The following DTNA variants were observed in gnomAD, a reference collection of about 807,000 sequenced individuals.
The protein encoded by DTNA is dystrophin-related protein 3.
In DTNA, 43 loss-of-function variants were observed where a neutral mutation model predicts 100.7. The observed-to-expected ratio is 0.43, with a 90% confidence interval of 0.33 to 0.55. The LOEUF (loss-of-function observed/expected upper bound fraction) is 0.55, where lower values mean the gene tolerates loss of function less well. Ranked by LOEUF, DTNA falls within the 20% of genes least tolerant of loss-of-function variation. DTNA has a pLI of 0.04. For synonymous variants in DTNA, 349 were observed against 347.9 expected (o/e 1.00, Z -0.04); for missense variants, 798 against 953.9 (o/e 0.84, Z 2.15).
chr18:34,721,409 C>A (rs1186807358), intron 1 of DTNA, among the ~76,000 whole-genome samples: 1 of 152,120 alleles, frequency 6.6e-6, no homozygotes, highest in Non-Finnish European at 1.5e-5. Flanking sequence ...TCCTCCAGAG[C>A]AATCATTCTG....
Position 34,592,303 on chromosome 18 carries a change from C to A in DTNA, c.-2+98789C>A, listed in dbSNP as rs145522075. On this transcript the variant is annotated intron_variant, in intron 1 of 19. Coordinates refer to the DTNA transcript ENST00000283365. ...TTTTCAGAGGCAGGAGATCTTTTGGCCCCAGTGACCACTAAATATTAATAA... is the reference window on the plus strand; with the variant it reads ...TTTTCAGAGGCAGGAGATCTTTTGGACCCAGTGACCACTAAATATTAATAA... Among the ~76,000 whole-genome samples, 364 of 152,086 alleles carry A rather than the reference C, an allele frequency of 2.4e-3. 1 individual carries two copies. The highest frequency in any genetic ancestry group is 4.4e-3 in the Non-Finnish European group (302 of 67,994).
intron 1 of DTNA, among the ~76,000 whole-genome samples, chr18:34,698,736 G>C (rs754146867): frequency 6.6e-6 from 1 of 152,168 alleles, no homozygotes; most frequent in African/African-American, 2.4e-5. Flanking sequence ...TCTAGCATGG[G>C]AGAAAGATGT....
chr18:34,521,918 G>A (rs939477421), intron 1 of DTNA, among the ~76,000 whole-genome samples: 3 of 152,118 alleles, frequency 2.0e-5, no homozygotes, highest in Non-Finnish European at 4.4e-5. Context: ...AATGTAAGCT[G>A]CACAAGGGAA....
chr18:34,804,496 A>C (rs2095309731), intron 4 of DTNA, among the ~76,000 whole-genome samples: 1 of 152,150 alleles, frequency 6.6e-6, no homozygotes, highest in African/African-American at 2.4e-5. Context: ...TTCAACATAC[A>C]GGTAACAAGT....
intron 1 of DTNA, among the ~76,000 whole-genome samples, chr18:34,659,191 A>G (rs939665142): frequency 6.6e-6 from 1 of 152,346 alleles, no homozygotes; most frequent in Non-Finnish European, 1.5e-5. Flanking sequence ...TGCAAGCCAC[A>G]TATGTAATTA....
intron 3 of DTNA, among the ~76,000 whole-genome samples, chr18:34,779,233 T>C (rs1262514561): frequency 1.3e-5 from 2 of 152,194 alleles, no homozygotes; most frequent in Non-Finnish European, 2.9e-5. Context: ...TTGTGTCTTA[T>C]CACTGTTTAC....
chr18:34,598,873 A>G (rs1237145047), intron 1 of DTNA, among the ~76,000 whole-genome samples: 2 of 152,186 alleles, frequency 1.3e-5, no homozygotes, highest in Non-Finnish European at 2.9e-5. Flanking sequence ...CTCAAAAAAA[A>G]AATTTAAGGC....
chr18:34,739,162 G>C (rs1316058781), intron 1 of DTNA, among the ~76,000 whole-genome samples: 1 of 152,184 alleles, frequency 6.6e-6, no homozygotes, highest in East Asian at 1.9e-4. Context: ...CTGATTCTCT[G>C]AGATTAGGAT....
chr18:34,790,020 C>T (rs762625564), intron 3 of DTNA, among the ~76,000 whole-genome samples: 3 of 152,174 alleles, frequency 2.0e-5, no homozygotes, highest in Non-Finnish European at 4.4e-5. Flanking sequence ...AGGATTCAAA[C>T]CAGTGTCTCT....
chr18:34,808,404 G>A (rs1364548068), intron 5 of DTNA, among the ~76,000 whole-genome samples: 3 of 152,160 alleles, frequency 2.0e-5, no homozygotes, highest in Non-Finnish European at 2.9e-5. Flanking sequence ...CACCTAGGTG[G>A]CGTCTCAGAC....
chr18:34,636,682 A>G (rs1450567326), intron 1 of DTNA, among the ~76,000 whole-genome samples: 3 of 152,170 alleles, frequency 2.0e-5, no homozygotes, highest in African/African-American at 7.2e-5. Context: ...AGGGTCTCCC[A>G]GGAGCCCATG....
intron 1 of DTNA, among the ~76,000 whole-genome samples, chr18:34,531,175 T>C (rs2043104396): frequency 6.6e-6 from 1 of 152,152 alleles, no homozygotes; most frequent in African/African-American, 2.4e-5. Flanking sequence ...TCTCTTGCTT[T>C]AGCATATACA....
At chr18:34,503,169 A>T (rs2040111067) in intron 1 of DTNA, among the ~76,000 whole-genome samples, 1 of 146,818 alleles carries the variant, frequency 6.8e-6, no homozygotes, top group Non-Finnish European at 1.5e-5. Flanking sequence ...ATAGACACTC[A>T]TTTTTCTTTT....
intron 1 of DTNA, among the ~76,000 whole-genome samples, chr18:34,672,579 G>A (rs547294254): frequency 1.3e-5 from 2 of 152,124 alleles, no homozygotes; most frequent in Non-Finnish European, 2.9e-5. Context: ...TAAAGTACGT[G>A]AATAAAGGAG....
chr18:34,581,185 T>C (rs12967601), intron 1 of DTNA, among the ~76,000 whole-genome samples: 1 of 151,996 alleles, frequency 6.6e-6, no homozygotes, highest in Non-Finnish European at 1.5e-5. Flanking sequence ...GAGGTGGAGC[T>C]TGCAGTGAGC....
At chr18:34,607,010 C>T (rs1203145165) in intron 1 of DTNA, among the ~76,000 whole-genome samples, 1 of 152,132 alleles carries the variant, frequency 6.6e-6, no homozygotes, top group African/African-American at 2.4e-5. Flanking sequence ...GAATACATTC[C>T]CACGAAAGGG....
At chr18:34,566,495 A>G (rs1160711473) in intron 1 of DTNA, among the ~76,000 whole-genome samples, 1 of 152,220 alleles carries the variant, frequency 6.6e-6, no homozygotes, top group Non-Finnish European at 1.5e-5. Context: ...ATAACACCCA[A>G]TGCACATGTT....
At chr18:34,813,757 G>C (rs1038097117) in intron 6 of DTNA, among the ~76,000 whole-genome samples, 5 of 149,396 alleles carry the variant, frequency 3.3e-5, no homozygotes. Context: ...CAGGAGAATT[G>C]CTTGAACCCG....
At chr18:34,499,758 G>T (rs1410811192) in intron 1 of DTNA, among the ~76,000 whole-genome samples, 1 of 151,982 alleles carries the variant, frequency 6.6e-6, no homozygotes, top group South Asian at 2.1e-4. Flanking sequence ...GTGCCTATTT[G>T]TCATTTAAAT....
Sources: allele counts gnomAD v4.1 joint callset (sites outside exome capture counted in the v4.1 genomes callset), GRCh38; gene constraint gnomAD v4.1.1; transcripts MANE v1.5; gene names NCBI Gene and HGNC (gene_info 2026-07-23, HGNC 2026-07-21).